EFTUD2: variants seen among roughly 807,000 people sequenced by gnomAD.
EFTUD2 encodes the protein 116 kDa U5 small nuclear ribonucleoprotein component.
Under a neutral mutation model 114.3 loss-of-function variants are expected in EFTUD2, and 9 were observed. The ratio of observed to expected loss-of-function variants is 0.08; its 90% CI spans 0.05 to 0.14. EFTUD2 has a LOEUF of 0.14. Ranked by LOEUF, EFTUD2 falls within the 10% of genes least tolerant of loss-of-function variation. EFTUD2 has a pLI of 1.00. For synonymous variants in EFTUD2, 449 were observed against 462.3 expected (o/e 0.97, Z 0.37); for missense variants, 765 against 1,241.2 (o/e 0.62, Z 5.76).
Position 44,881,734 on chromosome 17 carries a change from T to C in EFTUD2, c.493-12A>G, listed in dbSNP as rs1252949808. ...TCAGTATAGCACAGCTGAAAAAAAA[T>C]TAACTGTTGTTACCACCTGAGTTGA... On this transcript the variant is annotated splice_polypyrimidine_tract_variant and intron_variant, in intron 6 of 27. Transcript: ENST00000426333. The C allele has an allele frequency of 1.2e-6, 2 of 1,613,814 alleles. No individual in the cohort carries two copies. The highest frequency in any genetic ancestry group is 2.2e-5 in the East Asian group (1 of 44,880).
intron 20 of EFTUD2, among the ~76,000 whole-genome samples, chr17:44,856,334 G>A (rs1314017897): frequency 1.3e-5 from 2 of 151,582 alleles, no homozygotes; most frequent in Admixed American, 1.3e-4. Flanking sequence ...TTCGAGACCA[G>A]CCTGGGCAAC....
Position 44,889,929 on chromosome 17 carries a change from C to T in EFTUD2, c.106-3179G>A, listed in dbSNP as rs9890962. Among the ~76,000 whole-genome samples the T allele has an allele frequency of 7.1e-3, 1,079 of 152,272 alleles. 14 individuals are homozygous for T. The highest frequency in any genetic ancestry group is 0.024 in the African/African-American group (1,002 of 41,554). ...CTGACTGCCTGTAATTATCTCTATC[C>T]GAGTCTACAGTAGCTCAACAAGTCT... On this transcript the variant is annotated intron_variant, in intron 2 of 27. Transcript: ENST00000426333.
chr17:44,876,166 C>A, intron 9 of EFTUD2, 66 bp from the exon 10 acceptor site: 1 of 1,526,298 alleles, frequency 6.6e-7, no homozygotes, highest in Non-Finnish European at 8.8e-7. Context: ...AAAGCAGAAC[C>A]AAAGAAGGCA....
At chr17:44,883,393 T>C (rs547021952) in intron 5 of EFTUD2, among the ~76,000 whole-genome samples, 1 of 152,226 alleles carries the variant, frequency 6.6e-6, no homozygotes, top group African/African-American at 2.4e-5. Context: ...AAAATCAGAG[T>C]AAGGCTCAAT....
At chr17:44,881,388 C>T (rs979926196) in intron 7 of EFTUD2, among the ~76,000 whole-genome samples, 3 of 152,218 alleles carry the variant, frequency 2.0e-5, no homozygotes, top group Non-Finnish European at 4.4e-5. Flanking sequence ...TGAGCTTCTG[C>T]GTAACTTATA....
At position 44,885,270 on chromosome 17, in the gene EFTUD2, C is replaced by T. The variant is rs776268799; in HGVS notation, c.336G>A (p.Thr112=). The change falls in exon 4 of 28, where the codon ACG becomes ACA. Residue 112 remains threonine (T), a synonymous_variant. Transcript: ENST00000426333. ...TTGTAACTTACTCCATCTCATACACCGTAACAGGTAATGTCTGCTCCATCA... is the reference window on the plus strand; with the variant it reads ...TTGTAACTTACTCCATCTCATACACTGTAACAGGTAATGTCTGCTCCATCA... ...FTLMEQTLPV[T]VYEMDFLADL... is the part of the protein sequence containing the mutation. 9.9e-6 allele frequency: 16 copies of T among 1,613,502 alleles called. No individual in the cohort carries two copies. The East Asian group carries it at 1.3e-4, about 13-fold the overall frequency.
At position 44,875,819 on chromosome 17, in the gene EFTUD2, C is replaced by T. The variant is rs901186122; in HGVS notation, c.869+115G>A. ...GTCCCAGGATGTGCCTCTAGTTTTGCCCAACAAACTCATCAACACACGCTT... is the reference window on the plus strand; with the variant it reads ...GTCCCAGGATGTGCCTCTAGTTTTGTCCAACAAACTCATCAACACACGCTT... On this transcript the variant is annotated intron_variant, in intron 10 of 27. Coordinates refer to ENST00000426333, the MANE Select transcript of EFTUD2 (RefSeq NM_004247.4). 5 of 1,344,040 alleles carry T rather than the reference C, an allele frequency of 3.7e-6. No individual in the cohort carries two copies. In the Admixed American group the frequency reaches 6.3e-5, roughly 17 times the overall value. 83.3% of individuals were successfully genotyped at this position (1,344,040 alleles called of 1,614,324 possible).
At chr17:44,852,159 T>C (rs1307849868) in intron 26 of EFTUD2, among the ~76,000 whole-genome samples, 1 of 152,092 alleles carries the variant, frequency 6.6e-6, no homozygotes, top group Non-Finnish European at 1.5e-5. Context: ...TCAGGTGACC[T>C]GCCCGCCTCA....
rs557408216 is a variant in EFTUD2, at chr17:44,851,099, A to G, written c.*175T>C. 1.7e-6 allele frequency: 1 copy of G among 598,024 alleles called. No individual in the cohort carries two copies. Among genetic ancestry groups the G allele is most frequent in the African/African-American group, 1.8e-5 (1 of 54,604 alleles). 37.0% of individuals were successfully genotyped at this position (598,024 alleles called of 1,614,324 possible). A position where few individuals can be genotyped will look rare whatever the true frequency, so the allele number is the denominator to read the frequency against. ...GGCCACAGAAGGAAGCAGGAGGCCA[A>G]ATGCTCCTCTCTCACTGGGGCTCTG... is the stretch of plus-strand genomic sequence containing the variant. On this transcript the variant is annotated 3_prime_UTR_variant, in exon 28 of 28. Coordinates refer to ENST00000426333, the MANE Select transcript of EFTUD2 (RefSeq NM_004247.4).
intron 9 of EFTUD2, among the ~76,000 whole-genome samples, chr17:44,877,472 G>A (rs985303848): frequency 5.3e-5 from 8 of 152,108 alleles, no homozygotes; most frequent in Non-Finnish European, 1.2e-4. Context: ...GTGATAATAA[G>A]CAAATGGGGG....
intron 6 of EFTUD2, chr17:44,881,971 G>C (rs544206039): frequency 6.4e-6 from 3 of 465,670 alleles, no homozygotes; most frequent in Non-Finnish European, 1.2e-5. Flanking sequence ...TGCTCTTGTA[G>C]CCCAGGCTGG....
Position 44,866,057 on chromosome 17 carries a change from A to G in EFTUD2, c.1150-992T>C, listed in dbSNP as rs1025662354. Among the ~76,000 whole-genome samples, 4 of 152,158 alleles carry G rather than the reference A, an allele frequency of 2.6e-5. No individual in the cohort carries two copies. In the East Asian group the frequency reaches 7.7e-4, roughly 29 times the overall value. On this transcript the variant is annotated intron_variant, in intron 13 of 27. Transcript: ENST00000426333. Reference sequence around the variant, plus strand: ...ACTCCTGATCTCAAGCGATCTGCCCACTGGGACCTCCCAAAGTGCTGGAAT... The same window carrying G: ...ACTCCTGATCTCAAGCGATCTGCCCGCTGGGACCTCCCAAAGTGCTGGAAT...
At chr17:44,878,548 T>C (rs986809550) in intron 9 of EFTUD2, among the ~76,000 whole-genome samples, 13 of 152,238 alleles carry the variant, frequency 8.5e-5, no homozygotes, top group African/African-American at 3.1e-4. Flanking sequence ...AACAGGACTG[T>C]ATCAATGTCA....
chr17:44,871,800 A>G (rs9910936), intron 11 of EFTUD2, among the ~76,000 whole-genome samples: 2 of 151,966 alleles, frequency 1.3e-5, no homozygotes, highest in Non-Finnish European at 2.9e-5. Flanking sequence ...CGACTCTAAG[A>G]ACGGGGTAAC....
chr17:44,864,049 T>C (rs1181048653), intron 14 of EFTUD2: 3 of 311,012 alleles, frequency 9.6e-6, no homozygotes, highest in African/African-American at 6.5e-5. Flanking sequence ...AAGTTTAAAG[T>C]ACATCGATCT....
chr17:44,894,539 A>C lies in EFTUD2; in HGVS notation c.-4-14T>G. 1 of 1,595,284 alleles carries C rather than the reference A, an allele frequency of 6.3e-7. No individual in the cohort carries two copies. The highest frequency in any genetic ancestry group is 8.6e-7 in the Non-Finnish European group (1 of 1,163,476). On this transcript the variant is annotated splice_polypyrimidine_tract_variant and intron_variant, in intron 1 of 27. Transcript: ENST00000426333. ...GTATCCATGATGCTAAAATTCAAGG[A>C]GAGAAGAGTTAGATTCTGACAAGGT...
At chr17:44,851,633 AAAAG>A (rs2050451546) in intron 27 of EFTUD2, 73 bp downstream of exon 27, 6 of 1,402,680 alleles carry the variant, frequency 4.3e-6, no homozygotes, top group East Asian at 2.5e-5. Context: ...AAAAGGGGCC[AAAAG>A]AAAGAGAGAG....
In EFTUD2 at chr17:44,865,249, A is replaced by C. The variant is rs567316624; in HGVS notation, c.1150-184T>G. ...GGCATCTCTGCTACCTACCCTTCAA[A>C]CCACAGGCAAAGCCAACTTGGTTAC... On this transcript the variant is annotated intron_variant, in intron 13 of 27. Transcript: ENST00000426333. The C allele has an allele frequency of 1.3e-5, 10 of 760,244 alleles. No individual in the cohort carries two copies. In the Admixed American group the frequency reaches 1.4e-4, roughly 10 times the overall value. 47.1% of individuals were successfully genotyped at this position (760,244 alleles called of 1,614,324 possible). A position where few individuals can be genotyped will look rare whatever the true frequency, so the allele number is the denominator to read the frequency against.
rs967805189 is a variant in EFTUD2 at position 44,885,403 on chromosome 17, A to G, written c.272-69T>C. On this transcript the variant is annotated intron_variant, in intron 3 of 27. Coordinates refer to ENST00000426333, the MANE Select transcript of EFTUD2 (RefSeq NM_004247.4). ...ACATAAAAATACGGAACACTATTCC[A>G]TTAGACTGACCTTTCAGAATGTATG... The G allele has an allele frequency of 3.9e-6, 4 of 1,015,186 alleles. No homozygotes were observed. In the African/African-American group the frequency reaches 6.4e-5, roughly 16 times the overall value. The allele number at this position is 1,015,186 out of a possible 1,614,324, so 62.9% of individuals were successfully genotyped here.
Sources: allele counts gnomAD v4.1 joint callset (sites outside exome capture counted in the v4.1 genomes callset), GRCh38; gene constraint gnomAD v4.1.1; transcripts MANE v1.5; gene names NCBI Gene and HGNC (gene_info 2026-07-23, HGNC 2026-07-21).